Variants in LRP1B observed in about 807,000 individuals in gnomAD.
LRP1B encodes LDL receptor related protein 1B, also known as low-density lipoprotein receptor-related protein 1B.
Under a neutral mutation model 556.6 loss-of-function variants are expected in LRP1B, and 217 were observed. The observed-to-expected ratio is 0.39, with a 90% CI of 0.35 to 0.44. The LOEUF (loss-of-function observed/expected upper bound fraction) is 0.44, where lower values mean the gene tolerates loss of function less well. Among genes scored for constraint, LRP1B ranks in the 20% least tolerant of loss-of-function variants. LRP1B has a pLI of 1.00. For synonymous variants in LRP1B, 2,047 were observed against 1,865.8 expected (o/e 1.10, Z -2.50); for missense variants, 5,053 against 5,620.8 (o/e 0.90, Z 3.23).
chr2:142,034,589 T>C (rs1459582443), intron 1 of LRP1B, among the ~76,000 whole-genome samples: 1 of 151,808 alleles, frequency 6.6e-6, no homozygotes, highest in Non-Finnish European at 1.5e-5. Flanking sequence ...AAGTGTATTA[T>C]GTATCATTTG....
At chr2:141,985,125 G>A (rs1350909626) in intron 1 of LRP1B, among the ~76,000 whole-genome samples, 4 of 152,002 alleles carry the variant, frequency 2.6e-5, no homozygotes, top group Non-Finnish European at 4.4e-5. Flanking sequence ...CTGAGATAAC[G>A]GTATTACAAA....
chr2:141,793,720 AT>A (rs1175673078), intron 2 of LRP1B, among the ~76,000 whole-genome samples: 1 of 152,034 alleles, frequency 6.6e-6, no homozygotes, highest in East Asian at 1.9e-4. Context: ...TTCATCATTT[AT>A]TTTAAGAAAC....
chr2:141,018,445 A>T lies in LRP1B; in HGVS notation c.1970+1477T>A, dbSNP rs547994932. On this transcript the variant is annotated intron_variant, in intron 12 of 90. Coordinates refer to ENST00000389484, the MANE Select transcript of LRP1B (RefSeq NM_018557.3). The stretch of plus-strand genomic sequence containing the variant: ...ATCAGAATTGCCTTCAAAGAGCTTG[A>T]ACTATGTAGATGCTATAGGTTTCTA... Among the ~76,000 whole-genome samples, 118 of 152,272 alleles carry T rather than the reference A, an allele frequency of 7.7e-4. No homozygotes were observed. In the Middle Eastern group the frequency reaches 0.014, roughly 18 times the overall value.
intron 3 of LRP1B, among the ~76,000 whole-genome samples, chr2:141,317,844 A>G (rs1687088133): frequency 6.6e-6 from 1 of 152,148 alleles, no homozygotes; most frequent in African/African-American, 2.4e-5. Flanking sequence ...AGCTTGGTAG[A>G]TGATAGTTGC....
At chr2:141,537,425 C>T (rs1685103600) in intron 2 of LRP1B, among the ~76,000 whole-genome samples, 1 of 151,946 alleles carries the variant, frequency 6.6e-6, no homozygotes, top group Admixed American at 6.6e-5. Flanking sequence ...GGCTTTTGAT[C>T]CTCTCCATGT....
chr2:141,226,043 A>G (rs1205820559), intron 6 of LRP1B, among the ~76,000 whole-genome samples: 2 of 152,126 alleles, frequency 1.3e-5, no homozygotes, highest in African/African-American at 2.4e-5. Flanking sequence ...AGAAAAAGCT[A>G]TAAAGTCTGA....
chr2:140,407,048 G>C (rs1218762040), intron 66 of LRP1B, among the ~76,000 whole-genome samples: 2 of 151,964 alleles, frequency 1.3e-5, no homozygotes, highest in East Asian at 3.9e-4. Context: ...AATATTTATA[G>C]CCAACTGATC....
At chr2:141,432,272 T>G (rs1388604692) in intron 3 of LRP1B, among the ~76,000 whole-genome samples, 2 of 152,116 alleles carry the variant, frequency 1.3e-5, no homozygotes, top group Non-Finnish European at 2.9e-5. Flanking sequence ...TTAAACCAGC[T>G]TTGCATTTCT....
intron 22 of LRP1B, 72 bp downstream of exon 22, chr2:140,907,805 A>G (rs1694299979): frequency 6.2e-6 from 8 of 1,294,112 alleles, no homozygotes; most frequent in Non-Finnish European, 9.0e-6. Flanking sequence ...ATGCTACTAT[A>G]TTAAGTAACA....
chr2:140,770,068 ATC>A (rs550763004), intron 34 of LRP1B, among the ~76,000 whole-genome samples: 32 of 151,958 alleles, frequency 2.1e-4, no homozygotes, highest in Non-Finnish European at 4.3e-4. Context: ...CTAGAATTAA[ATC>A]TGTTTCCACT....
chr2:141,111,467 T>TAG (rs897215291), intron 7 of LRP1B, among the ~76,000 whole-genome samples: 1 of 152,176 alleles, frequency 6.6e-6, no homozygotes, highest in African/African-American at 2.4e-5. Context: ...CAGCTTGCTT[T>TAG]AGGTGGACAG....
chr2:140,376,660 CT>C (rs1683246014), intron 68 of LRP1B, among the ~76,000 whole-genome samples: 1 of 151,956 alleles, frequency 6.6e-6, no homozygotes, highest in Non-Finnish European at 1.5e-5. Flanking sequence ...CTTGAGCGAC[CT>C]TTGCATCCTT....
chr2:141,741,232 C>T (rs982326148), intron 2 of LRP1B, among the ~76,000 whole-genome samples: 13 of 123,804 alleles, frequency 1.1e-4, no homozygotes, highest in African/African-American at 3.4e-4. Flanking sequence ...TAAACACAGG[C>T]GTGCAGTTAT....
At chr2:141,834,902 G>A (rs986078646) in intron 1 of LRP1B, among the ~76,000 whole-genome samples, 1 of 151,926 alleles carries the variant, frequency 6.6e-6, no homozygotes, top group Non-Finnish European at 1.5e-5. Flanking sequence ...GAAGGTGAAA[G>A]GGATGTATTT....
chr2:141,305,188 T>A (rs1352038302), intron 3 of LRP1B, among the ~76,000 whole-genome samples: 1 of 152,222 alleles, frequency 6.6e-6, no homozygotes, highest in Non-Finnish European at 1.5e-5. Flanking sequence ...ATGGTCATTT[T>A]AAAAATATTA....
At chr2:140,930,782 C>A (rs1479660404) in intron 20 of LRP1B, among the ~76,000 whole-genome samples, 1 of 152,094 alleles carries the variant, frequency 6.6e-6, no homozygotes, top group Non-Finnish European at 1.5e-5. Context: ...TCAGTCCTTG[C>A]TCTGTTCTTA....
At chr2:141,778,128 A>T (rs1476093294) in intron 2 of LRP1B, among the ~76,000 whole-genome samples, 3 of 152,142 alleles carry the variant, frequency 2.0e-5, no homozygotes, top group African/African-American at 7.2e-5. Context: ...TTCATTCTGT[A>T]TTTAAGTTTG....
chr2:140,677,000 T>C (rs2105370058), intron 41 of LRP1B, among the ~76,000 whole-genome samples: 1 of 152,344 alleles, frequency 6.6e-6, no homozygotes, highest in Non-Finnish European at 1.5e-5. Flanking sequence ...CAATTTATTT[T>C]TGATAAATAG....
rs1472580090 is a variant in LRP1B at position 141,480,348 on chromosome 2, T to C, written c.343+48A>G. 4 of 1,603,306 alleles carry C rather than the reference T, an allele frequency of 2.5e-6. No individual in the cohort carries two copies. The African/African-American group carries it at 5.4e-5, about 21-fold the overall frequency. ...TAGGTTTTCTTTGAACTTTCATTAC[T>C]ATGTAAAATTTAATATTTCAGTTGC... On this transcript the variant is annotated intron_variant, in intron 3 of 90. Transcript: ENST00000389484.
Sources: gnomAD v4.1 joint callset for allele counts (sites outside exome capture counted in the v4.1 genomes callset) on GRCh38, gnomAD v4.1.1 for gene constraint, MANE v1.5 for transcripts, NCBI Gene and HGNC (gene_info 2026-07-23, HGNC 2026-07-21) for gene names.